Variants in NCOA2 observed in about 807,000 individuals in gnomAD.
NCOA2 encodes nuclear receptor coactivator 2, also known as class E basic helix-loop-helix protein 75.
A neutral mutation model predicts 145.1 loss-of-function variants in NCOA2; 21 were observed. That is an observed-to-expected ratio of 0.14 (90% CI 0.10 to 0.21). The LOEUF (loss-of-function observed/expected upper bound fraction) is 0.21. Ranked by LOEUF, NCOA2 falls within the 10% of genes least tolerant of loss-of-function variation. NCOA2 has a pLI of 1.00. For missense variants in NCOA2, 1,472 were observed against 1,837.6 expected, an observed-to-expected ratio of 0.80 and a Z score of 3.64; for synonymous variants, 619 against 637.5, an observed-to-expected ratio of 0.97 and a Z score of 0.44.
At chr8:70,121,524 C>T (rs1254712738) in intron 21 of NCOA2, 133 bp from the exon 22 acceptor site, 3 of 650,204 alleles carry the variant, frequency 4.6e-6, no homozygotes, top group Middle Eastern at 2.9e-4. Flanking sequence ...AGAACAATGG[C>T]CTCATCCTAC....
rs61753706 is a variant in NCOA2 at position 70,156,712 on chromosome 8, C to T, written c.1653G>A (p.Ser551=). ...SEGHGVSLGS[S]LASPDLKMGN... ...CCATTTTTAGGTCTGGTGAAGCCAA[C>T]GATGACCCTAATGAGACCCCGTGCC... Residue 551 remains serine (S), a synonymous_variant, in exon 11 of 23, where the codon TCG becomes TCA. Transcript: ENST00000452400. 6.0e-3 allele frequency: 9,636 copies of T among 1,613,916 alleles called. 40 individuals are homozygous for T. The highest frequency in any genetic ancestry group is 7.7e-3 in the Non-Finnish European group (9,054 of 1,179,868).
chr8:70,303,031 T>C (rs552258029), intron 1 of NCOA2, among the ~76,000 whole-genome samples: 1 of 152,238 alleles, frequency 6.6e-6, no homozygotes, highest in African/African-American at 2.4e-5. Flanking sequence ...ATAAAGCAAC[T>C]ATAATAAAAC....
intron 1 of NCOA2, among the ~76,000 whole-genome samples, chr8:70,300,669 G>A (rs1381401298): frequency 3.3e-5 from 5 of 152,130 alleles, no homozygotes; most frequent in Non-Finnish European, 5.9e-5. Flanking sequence ...TTTTTTAAGT[G>A]AATGGATAGA....
Position 70,111,474 on chromosome 8 carries a change from GT to G in NCOA2, c.*2157del. The G allele has an allele frequency of 4.6e-6, 1 of 219,076 alleles. No homozygotes were observed. The allele number at this position is 219,076 out of a possible 1,614,324, so 13.6% of individuals were successfully genotyped here. On this transcript the variant is annotated 3_prime_UTR_variant, in exon 23 of 23. Transcript: ENST00000452400. ...TGGAGTTCTGGGCCAACATCTGCTTGTTTTTTCCATCACAGTTGGGCAACCC... is the reference window on the plus strand; with the variant it reads ...TGGAGTTCTGGGCCAACATCTGCTTGTTTTTCCATCACAGTTGGGCAACCC...
intron 2 of NCOA2, among the ~76,000 whole-genome samples, chr8:70,230,588 G>A (rs1821049135): frequency 1.3e-5 from 2 of 152,130 alleles, no homozygotes; most frequent in Non-Finnish European, 2.9e-5. Context: ...AAAACACACT[G>A]GGGATTACTA....
chr8:70,361,885 G>A (rs1434841862), intron 1 of NCOA2, among the ~76,000 whole-genome samples: 1 of 152,190 alleles, frequency 6.6e-6, no homozygotes, highest in East Asian at 1.9e-4. Flanking sequence ...TCCTTAAGAA[G>A]GATCAAGAGA....
intron 2 of NCOA2, among the ~76,000 whole-genome samples, chr8:70,285,081 T>C (rs1311948504): frequency 6.6e-6 from 1 of 152,160 alleles, no homozygotes; most frequent in Non-Finnish European, 1.5e-5. Context: ...TGACTACCTA[T>C]AAAAAGGACA....
chr8:70,132,065 T>G (rs997198067), intron 15 of NCOA2, 63 bp from the exon 16 acceptor site: 23 of 1,504,426 alleles, frequency 1.5e-5, no homozygotes, highest in Admixed American at 2.0e-5. Context: ...GAACAAATTC[T>G]TTATCTCAAA....
intron 1 of NCOA2, among the ~76,000 whole-genome samples, chr8:70,342,850 G>T (rs1331228034): frequency 2.1e-5 from 3 of 143,744 alleles, no homozygotes; most frequent in Non-Finnish European, 4.5e-5. Flanking sequence ...ATCTCTCCTG[G>T]AATTTTTTTT....
chr8:70,118,027 G>A (rs1002992919), intron 22 of NCOA2, among the ~76,000 whole-genome samples: 1 of 152,200 alleles, frequency 6.6e-6, no homozygotes, highest in Admixed American at 6.5e-5. Context: ...AGGGGTGGCA[G>A]ACGGGGCCCA....
intron 2 of NCOA2, among the ~76,000 whole-genome samples, chr8:70,261,103 C>T (rs1015744467): frequency 1.3e-5 from 2 of 152,190 alleles, no homozygotes; most frequent in East Asian, 1.9e-4. Context: ...CATTACTGGG[C>T]ATATACCCAA....
the NCOA2 span, among the ~76,000 whole-genome samples, chr8:70,422,641 G>A: frequency 3.9e-5 from 6 of 152,018 alleles, no homozygotes; most frequent in African/African-American, 7.3e-5. Context: ...GAACTCCTGG[G>A]CTCAAGCAAT....
intron 2 of NCOA2, among the ~76,000 whole-genome samples, chr8:70,241,750 A>G (rs1420179224): frequency 5.3e-5 from 8 of 152,122 alleles, no homozygotes; most frequent in Admixed American, 4.6e-4. Flanking sequence ...TTACCTCTCC[A>G]TGTCTCCATC....
intron 2 of NCOA2, among the ~76,000 whole-genome samples, chr8:70,237,887 TTAAC>T (rs1821773676): frequency 1.3e-5 from 2 of 151,656 alleles, no homozygotes; most frequent in South Asian, 2.1e-4. Flanking sequence ...AAAAAAAAAA[TTAAC>T]TGTGTGACGT....
At chr8:70,173,124 C>T (rs560557814) in intron 5 of NCOA2, among the ~76,000 whole-genome samples, 6 of 152,230 alleles carry the variant, frequency 3.9e-5, no homozygotes, top group African/African-American at 1.4e-4. Context: ...GATCAATGCA[C>T]TAAATTCTCA....
At chr8:70,456,098 G>A in the NCOA2 span, among the ~76,000 whole-genome samples, 23 of 150,002 alleles carry the variant, frequency 1.5e-4, no homozygotes, top group Admixed American at 1.3e-3. Context: ...AAAAATGCCC[G>A]CATCTGAAAA....
At chr8:70,133,043 A>G (rs531341404) in intron 15 of NCOA2, among the ~76,000 whole-genome samples, 3 of 152,036 alleles carry the variant, frequency 2.0e-5, no homozygotes, top group Non-Finnish European at 4.4e-5. Flanking sequence ...ATACATTTAA[A>G]TTAATTGTCA....
intron 1 of NCOA2, among the ~76,000 whole-genome samples, chr8:70,397,678 A>G (rs1272748653): frequency 6.6e-6 from 1 of 152,226 alleles, no homozygotes; most frequent in East Asian, 1.9e-4. Flanking sequence ...TACACCACAC[A>G]GGACTCAAGG....
Position 70,124,876 on chromosome 8 carries a change from AAAACAG to A in NCOA2, c.3917-17_3917-12del. The A allele has an allele frequency of 6.4e-7, 1 of 1,565,934 alleles. No individual in the cohort carries two copies. Among genetic ancestry groups the A allele is most frequent in the South Asian group, 1.2e-5 (1 of 83,664 alleles). ...GTTGCTGACTTATTCCTTAAAAAAA[AAAACAG>A]AAACAGAAATCCAAAAGAGACTGTT... On this transcript the variant is annotated splice_polypyrimidine_tract_variant and intron_variant, in intron 19 of 22. Coordinates refer to ENST00000452400, the MANE Select transcript of NCOA2 (RefSeq NM_006540.4).
Sources: allele counts gnomAD v4.1 joint callset (sites outside exome capture counted in the v4.1 genomes callset), GRCh38; gene constraint gnomAD v4.1.1; transcripts MANE v1.5; gene names NCBI Gene and HGNC (gene_info 2026-07-23, HGNC 2026-07-21).